Variants in INTS1 observed in about 807,000 individuals in gnomAD.
The protein encoded by INTS1 is integrator complex subunit 1.
A neutral mutation model predicts 241.6 loss-of-function variants in INTS1; 137 were observed. The ratio of observed to expected loss-of-function variants is 0.57; its 90% CI spans 0.49 to 0.65. The LOEUF (loss-of-function observed/expected upper bound fraction) is 0.65, where lower values mean the gene tolerates loss of function less well. Ranked by LOEUF, INTS1 falls within the 30% of genes least tolerant of loss-of-function variation. The pLI, the probability that INTS1 is intolerant of heterozygous loss-of-function variation, is 0.00. For missense variants in INTS1, 3,073 were observed against 3,032.2 expected (o/e 1.01, Z -0.32); for synonymous variants, 1,692 against 1,337.8 (o/e 1.26, Z -5.78).
intron 40 of INTS1, 42 bp from the exon 41 acceptor site, chr7:1,474,402 C>T (rs1781617960): frequency 6.5e-7 from 1 of 1,534,094 alleles, no homozygotes; most frequent in Non-Finnish European, 8.7e-7. Context: ...GGCCGGCGGG[C>T]TCACCTGGCG....
chr7:1,482,497 C>G (rs10277092), intron 27 of INTS1, 49 bp downstream of exon 27: 1 of 1,549,366 alleles, frequency 6.5e-7, no homozygotes, highest in Non-Finnish European at 8.7e-7. Context: ...GCAAGGGGCC[C>G]GGGACCCCTG....
intron 39 of INTS1, 99 bp downstream of exon 39, chr7:1,475,849 A>G: frequency 7.1e-7 from 1 of 1,403,338 alleles, no homozygotes; most frequent in Non-Finnish European, 9.5e-7. Flanking sequence ...CAAGAGGGGT[A>G]GCCGGCGATG....
At position 1,485,222 on chromosome 7, in the gene INTS1, G is replaced by A. The variant is rs772317115; in HGVS notation, c.3157-20C>T. ...GATTGCCTGGAGGGGAGGGTGGTCT[G>A]AGCGGCAACAGGGCAGGGCTGCGGC... On this transcript the variant is annotated intron_variant, in intron 23 of 47. Transcript: ENST00000404767. 1.9e-6 allele frequency: 3 copies of A among 1,599,316 alleles called. No individual in the cohort carries two copies. Among genetic ancestry groups the A allele is most frequent in the South Asian group, 1.1e-5 (1 of 90,832 alleles).
chr7:1,471,423 A>C (rs1478003049), intron 45 of INTS1, 148 bp downstream of exon 45: 1 of 1,003,724 alleles, frequency 1.0e-6, no homozygotes, highest in African/African-American at 1.6e-5. Context: ...TTGACTGTGA[A>C]CACCTGGGCT....
intron 8 of INTS1, 27 bp downstream of exon 8, chr7:1,498,948 G>GGC: frequency 5.3e-6 from 5 of 946,718 alleles, no homozygotes; most frequent in Non-Finnish European, 7.2e-6. Flanking sequence ...CCCCTGCCCC[G>GGC]CCCACCCCCC....
intron 43 of INTS1, 93 bp downstream of exon 43, chr7:1,472,979 C>T (rs1269901111): frequency 1.3e-5 from 11 of 815,530 alleles, no homozygotes; most frequent in Admixed American, 3.0e-5. Context: ...CGGGACGCCT[C>T]GGACGGCCCA....
chr7:1,480,489 T>C, intron 29 of INTS1, 48 bp from the exon 30 acceptor site: 1 of 1,590,662 alleles, frequency 6.3e-7, no homozygotes, highest in South Asian at 1.1e-5. Context: ...TCTGACCTGC[T>C]TCCAGCGGTG....
Position 1,474,733 on chromosome 7 carries a change from C to A in INTS1, c.5608G>T (p.Ala1870Ser). ...ADASMACRKL[A>S]VAHPLLLLRH... ...AGCAGCAGCAGCGGGTGCGCCACCG[C>A]CAGCTTCCGGCAGGCCATGCTGGCA... The change falls in exon 40 of 48, where the codon GCG becomes TCG. Residue 1870 changes from alanine (A) to serine (S), a missense_variant. Physicochemically the swap from Ala to Ser is moderately conservative, Grantham distance 99. Transcript: ENST00000404767. The A allele has an allele frequency of 6.4e-7, 1 of 1,562,516 alleles. No homozygotes were observed. The highest frequency in any genetic ancestry group is 2.4e-5 in the East Asian group (1 of 41,942).
Position 1,478,899 on chromosome 7 carries a change from G to A in INTS1, c.4330-14C>T. On this transcript the variant is annotated splice_polypyrimidine_tract_variant and intron_variant, in intron 31 of 47. Transcript: ENST00000404767. Reference sequence around the variant, plus strand: ...TGGCACACAGCGCTGCGGGGACAAAGTGGCACGTGGCTACCCTGGCAGAGG... The same window carrying A: ...TGGCACACAGCGCTGCGGGGACAAAATGGCACGTGGCTACCCTGGCAGAGG... 1.3e-6 allele frequency: 2 copies of A among 1,587,922 alleles called. No homozygotes were observed. Among genetic ancestry groups the A allele is most frequent in the East Asian group, 4.5e-5 (2 of 44,096 alleles).
In INTS1 at chr7:1,497,387, C is replaced by A; in HGVS notation, c.1426-73G>T. The A allele has an allele frequency of 6.7e-7, 1 of 1,501,354 alleles. No homozygotes were observed. The highest frequency in any genetic ancestry group is 1.3e-5 in the South Asian group (1 of 77,254). The allele number at this position is 1,501,354 out of a possible 1,614,324, so 93.0% of individuals were successfully genotyped here. ...CTGTCACAGGCCCCTTCCCGCAGCA[C>A]CAACAGGTATGGCGCCCGAGGGCGC... On this transcript the variant is annotated intron_variant, in intron 10 of 47. Coordinates refer to ENST00000404767, the MANE Select transcript of INTS1 (RefSeq NM_001080453.3). This position sits in a 1 kb window ranked among gnomAD's most constrained non-coding sequence, Gnocchi z 5.3.
Position 1,479,444 on chromosome 7 carries a change from G to T in INTS1, c.4315C>A (p.Leu1439Ile). The T allele has an allele frequency of 6.3e-7, 1 of 1,578,230 alleles. No homozygotes were observed. The highest frequency in any genetic ancestry group is 8.6e-7 in the Non-Finnish European group (1 of 1,163,054). The change falls in exon 31 of 48, where the codon CTC (leucine) becomes ATC (isoleucine). Residue 1439 changes from leucine to isoleucine, a missense_variant. By Grantham distance (5) the Leu-to-Ile change is conservative (BLOSUM62 2). Coordinates refer to ENST00000404767, the MANE Select transcript of INTS1 (RefSeq NM_001080453.3). Reference protein sequence around the residue: ...HFLACPLLRQLCQYQRCVPQD... With the variant: ...HFLACPLLRQICQYQRCVPQD... The stretch of plus-strand genomic sequence containing the variant: ...CGCCCAAGTACCTGGTACTGGCAGA[G>T]CTGGCGCAGCAGCGGGCAGGCCAGG...
intron 3 of INTS1, chr7:1,501,298 TA>T: frequency 6.8e-6 from 1 of 147,378 alleles, no homozygotes. Context: ...AAAAAATAAA[TA>T]AATAAATAAA....
At position 1,487,121 on chromosome 7, in the gene INTS1, G is replaced by A. The variant is rs774480523; in HGVS notation, c.2647-20C>T. 1.7e-5 allele frequency: 26 copies of A among 1,539,384 alleles called. No individual in the cohort carries two copies. Among genetic ancestry groups the A allele is most frequent in the Admixed American group, 1.6e-4 (8 of 50,946 alleles). On this transcript the variant is annotated intron_variant, in intron 20 of 47. Transcript: ENST00000404767. ...GGAGGCCTGGGCAGGCGACAGTGGC[G>A]CCCGCTCAGCACCTTCCAGGCCCAA...
At chr7:1,494,001 C>T in intron 14 of INTS1, 90 bp from the exon 15 acceptor site, 1 of 1,437,744 alleles carries the variant, frequency 7.0e-7, no homozygotes, top group Non-Finnish European at 9.3e-7. Flanking sequence ...TCCCTCAGAG[C>T]CCACGGGCTG....
intron 30 of INTS1, among the ~76,000 whole-genome samples, chr7:1,480,039 T>G (rs1442180580): frequency 2.0e-5 from 3 of 152,148 alleles, no homozygotes; most frequent in African/African-American, 7.2e-5. Flanking sequence ...TCAAACCGGG[T>G]GCCCCGCGCA....
rs774534433 is a variant in INTS1, at chr7:1,476,379, G to C, written c.5228C>G (p.Ala1743Gly). The C allele has an allele frequency of 6.3e-7, 1 of 1,576,460 alleles. No homozygotes were observed. Among genetic ancestry groups the C allele is most frequent in the Non-Finnish European group, 8.6e-7 (1 of 1,166,160 alleles). The change falls in exon 38 of 48, where the codon GCG becomes GGG. Residue 1743 changes from alanine to glycine, a missense_variant. Ala to Gly is a moderately conservative substitution (Grantham distance 60). Coordinates refer to ENST00000404767, the MANE Select transcript of INTS1 (RefSeq NM_001080453.3). ...GTCCCCGTCCTGGCTCCGCGTCTCC[G>C]CCTCGGCCAGGATCAGCTCCACCAG... The part of the protein sequence containing the change: ...ISLVELILAE[A>G]ETRSQDGDTA...
chr7:1,482,962 C>T (rs760414756), intron 26 of INTS1: 23 of 517,836 alleles, frequency 4.4e-5, no homozygotes, highest in East Asian at 1.0e-4. Context: ...GGGACATGTG[C>T]GTGTCCCCAT....
intron 30 of INTS1, 71 bp from the exon 31 acceptor site, chr7:1,479,755 C>G (rs1584268056): frequency 7.1e-7 from 1 of 1,404,606 alleles, no homozygotes; most frequent in East Asian, 2.6e-5. Context: ...AGAGGCTAAG[C>G]GCCCGGTGCA....
rs765800878 is a variant in INTS1 at position 1,498,981 on chromosome 7, G to A, written c.1131C>T (p.Asn377=). 1.3e-6 allele frequency: 2 copies of A among 1,541,218 alleles called. No homozygotes were observed. Among genetic ancestry groups the A allele is most frequent in the South Asian group, 1.2e-5 (1 of 83,780 alleles). The change falls in exon 8 of 48, where the codon AAC becomes AAT. Residue 377 remains asparagine (N), a synonymous_variant. Coordinates refer to ENST00000404767, the MANE Select transcript of INTS1 (RefSeq NM_001080453.3). ...CCCCGGGGCGCCCCCGCACCTTGGG[G>A]TTCTGCAGCCACATCTCCAGCTTCT... The part of the protein sequence containing the change: ...AVQKLEMWLQ[N]PKLTRPAQDL...
Sources: allele counts gnomAD v4.1 joint callset (sites outside exome capture counted in the v4.1 genomes callset), GRCh38; gene constraint gnomAD v4.1.1; non-coding constraint Gnocchi (gnomAD v3.1); transcripts MANE v1.5; gene names NCBI Gene and HGNC (gene_info 2026-07-23, HGNC 2026-07-21).